The following SORCS1 variants were observed in gnomAD, a reference collection of about 807,000 sequenced individuals.
The protein encoded by SORCS1 is VPS10 domain-containing receptor SorCS1.
SORCS1 carries 60 observed loss-of-function variants against 146.1 expected under a neutral mutation model. The observed-to-expected ratio is 0.41, with a 90% CI of 0.33 to 0.51. The LOEUF (loss-of-function observed/expected upper bound fraction) is 0.51, where lower values mean the gene tolerates loss of function less well. SORCS1 is among the 20% of genes least tolerant of loss of function. SORCS1 has a pLI of 0.21. For missense variants in SORCS1, 1,352 were observed against 1,487.6 expected, an observed-to-expected ratio of 0.91 and a Z score of 1.50; for synonymous variants, 637 against 584.0, an observed-to-expected ratio of 1.09 and a Z score of -1.31.
chr10:107,113,753 C>T, intron 1 of SORCS1, among the ~76,000 whole-genome samples: 1 of 144,944 alleles, frequency 6.9e-6, no homozygotes, highest in Non-Finnish European at 1.5e-5. Flanking sequence ...CCTCAAGGAA[C>T]TAGGAAAATA....
intron 1 of SORCS1, among the ~76,000 whole-genome samples, chr10:107,123,445 G>A (rs763386952): frequency 1.4e-4 from 22 of 152,278 alleles, no homozygotes; most frequent in Non-Finnish European, 2.1e-4. Flanking sequence ...AAAGTCACAA[G>A]GCAGAACCCT....
chr10:107,031,192 T>C (rs1958635265), intron 1 of SORCS1, among the ~76,000 whole-genome samples: 1 of 152,226 alleles, frequency 6.6e-6, no homozygotes, highest in South Asian at 2.1e-4. Flanking sequence ...AATCTCCTTT[T>C]TTCTAACCCC....
At chr10:106,677,487 C>G in intron 12 of SORCS1, 83 bp from the exon 13 acceptor site, 1 of 1,199,706 alleles carries the variant, frequency 8.3e-7, no homozygotes. Context: ...CACATGAGAA[C>G]AAAAATCCTT....
intron 1 of SORCS1, among the ~76,000 whole-genome samples, chr10:107,003,825 G>A (rs1463322780): frequency 1.3e-5 from 2 of 152,106 alleles, no homozygotes; most frequent in Non-Finnish European, 1.5e-5. Context: ...AAGGAAGGGG[G>A]CAGGGAATAA....
At chr10:106,830,591 T>A (rs58059662) in intron 2 of SORCS1, among the ~76,000 whole-genome samples, 7,237 of 149,224 alleles carry the variant, frequency 0.048, 398 homozygotes, top group East Asian at 0.23. Flanking sequence ...TTTTTTTTTT[T>A]TAAAAAAATT....
intron 9 of SORCS1, among the ~76,000 whole-genome samples, chr10:106,691,089 A>C (rs1853260678): frequency 6.6e-6 from 1 of 152,086 alleles, no homozygotes. Flanking sequence ...TCTTTGTGTG[A>C]GTGTAAGGTC....
intron 18 of SORCS1, among the ~76,000 whole-genome samples, chr10:106,642,702 C>T (rs1489953583): frequency 6.6e-6 from 1 of 151,454 alleles, no homozygotes; most frequent in African/African-American, 2.5e-5. Flanking sequence ...GCATTCATAT[C>T]CTATGTTTTT....
chr10:106,776,761 A>T lies in SORCS1; in HGVS notation c.727-69T>A. On this transcript the variant is annotated intron_variant, in intron 3 of 25. Coordinates refer to ENST00000263054, the MANE Select transcript of SORCS1 (RefSeq NM_052918.5). The stretch of plus-strand genomic sequence containing the variant: ...GTTTACAAATTTGCAAAACTTGAAA[A>T]TTAGCTAATTTTTGACAAGGGAAGG... 4 of 1,556,232 alleles carry T rather than the reference A, an allele frequency of 2.6e-6. No individual in the cohort carries two copies. The South Asian group carries it at 4.7e-5, about 18-fold the overall frequency.
chr10:107,089,617 T>C (rs538491494), intron 1 of SORCS1, among the ~76,000 whole-genome samples: 20 of 152,228 alleles, frequency 1.3e-4, no homozygotes, highest in African/African-American at 9.6e-5. Context: ...CTAGTTCTTA[T>C]ATAAATAAAT....
chr10:106,804,034 A>C (rs1433910053), intron 3 of SORCS1, among the ~76,000 whole-genome samples: 1 of 152,176 alleles, frequency 6.6e-6, no homozygotes, highest in East Asian at 1.9e-4. Flanking sequence ...AAAAGAAAGG[A>C]ATTTCCAAAC....
At chr10:107,086,006 T>G (rs904681142) in intron 1 of SORCS1, among the ~76,000 whole-genome samples, 3 of 152,208 alleles carry the variant, frequency 2.0e-5, no homozygotes, top group Non-Finnish European at 2.9e-5. Flanking sequence ...AGCCTAGAAG[T>G]GACTTGAGGT....
intron 2 of SORCS1, among the ~76,000 whole-genome samples, chr10:106,907,366 TAGG>T (rs1266022113): frequency 2.0e-5 from 3 of 152,088 alleles, no homozygotes; most frequent in Non-Finnish European, 4.4e-5. Context: ...TACACACTGA[TAGG>T]AGAAGAAATA....
chr10:107,034,564 C>T (rs912068246), intron 1 of SORCS1, among the ~76,000 whole-genome samples: 1 of 149,838 alleles, frequency 6.7e-6, no homozygotes, highest in African/African-American at 2.5e-5. Context: ...CCTGTAATTC[C>T]AGCTATTTGG....
intron 3 of SORCS1, among the ~76,000 whole-genome samples, chr10:106,784,296 G>A (rs2136443866): frequency 6.6e-6 from 1 of 152,012 alleles, no homozygotes; most frequent in East Asian, 1.9e-4. Context: ...TCAGGAGGCT[G>A]AGGCAGGAGA....
intron 24 of SORCS1, among the ~76,000 whole-genome samples, chr10:106,581,777 CT>C (rs1844934435): frequency 1.3e-5 from 2 of 151,844 alleles, no homozygotes. Context: ...AAGATAAGAT[CT>C]CTCTCTCTCT....
chr10:106,814,453 C>A (rs770417588), intron 3 of SORCS1, among the ~76,000 whole-genome samples: 7 of 152,062 alleles, frequency 4.6e-5, no homozygotes, highest in Non-Finnish European at 1.0e-4. Flanking sequence ...ATGCAAAGAT[C>A]GGGGTTCTAG....
At position 106,577,224 on chromosome 10, in the gene SORCS1, A is replaced by G; in HGVS notation, c.*196T>C. 6.3e-7 allele frequency: 1 copy of G among 1,582,772 alleles called. No individual in the cohort carries two copies. Among genetic ancestry groups the G allele is most frequent in the Non-Finnish European group, 8.6e-7 (1 of 1,162,022 alleles). ...TTTTTTTACTGGCGTCCTCCATTCA[A>G]ACATTTACATAGGTAGGGATTTCTT... is the stretch of plus-strand genomic sequence containing the variant. On this transcript the variant is annotated 3_prime_UTR_variant, in exon 26 of 26. Transcript: ENST00000263054.
intron 2 of SORCS1, among the ~76,000 whole-genome samples, chr10:106,942,802 T>G (rs1221054658): frequency 2.0e-5 from 3 of 152,174 alleles, no homozygotes; most frequent in Non-Finnish European, 2.9e-5. Context: ...CAATTCTCTA[T>G]CAGTTCTCTA....
intron 2 of SORCS1, among the ~76,000 whole-genome samples, chr10:106,898,920 G>C (rs1255293232): frequency 6.6e-6 from 1 of 152,092 alleles, no homozygotes; most frequent in Non-Finnish European, 1.5e-5. Context: ...GCCTGGTCTT[G>C]ACTTCTTTGG....
Sources: gnomAD v4.1 joint callset for allele counts (sites outside exome capture counted in the v4.1 genomes callset) on GRCh38, gnomAD v4.1.1 for gene constraint, MANE v1.5 for transcripts, NCBI Gene and HGNC (gene_info 2026-07-23, HGNC 2026-07-21) for gene names.